Variants in CEP128 observed in about 807,000 individuals in gnomAD.
CEP128 encodes the protein centrosomal protein 128.
In CEP128, 132 loss-of-function variants were observed where a neutral mutation model predicts 156.7. The observed-to-expected ratio is 0.84, with a 90% CI of 0.73 to 0.97. The LOEUF (loss-of-function observed/expected upper bound fraction) is 0.97. Among genes scored for constraint, CEP128 ranks in the 50% least tolerant of loss-of-function variants. The pLI, the probability that CEP128 is intolerant of heterozygous loss-of-function variation, is 0.00. For missense variants in CEP128, 1,252 were observed against 1,281.9 expected (o/e 0.98, Z 0.36); for synonymous variants, 469 against 448.9 (o/e 1.04, Z -0.57).
chr14:80,827,818 CACAGGGTA>C (rs1885561304), intron 13 of CEP128, among the ~76,000 whole-genome samples: 2 of 152,192 alleles, frequency 1.3e-5, no homozygotes, highest in Non-Finnish European at 2.9e-5. Context: ...ATAGGGCTCC[CACAGGGTA>C]AATCAGTGAA....
chr14:80,610,995 T>C (rs1892973543), intron 19 of CEP128, among the ~76,000 whole-genome samples: 2 of 152,116 alleles, frequency 1.3e-5, no homozygotes, highest in Admixed American at 6.5e-5. Flanking sequence ...TTTACTCATA[T>C]ATGTATAAGT....
At chr14:80,633,704 G>C (rs1458105501) in intron 19 of CEP128, among the ~76,000 whole-genome samples, 1 of 152,190 alleles carries the variant, frequency 6.6e-6, no homozygotes, top group Non-Finnish European at 1.5e-5. Flanking sequence ...GTGGGGATCA[G>C]ACTTATCTCA....
chr14:80,522,033 T>G (rs1888768062), intron 23 of CEP128, among the ~76,000 whole-genome samples: 1 of 152,258 alleles, frequency 6.6e-6, no homozygotes, highest in South Asian at 2.1e-4. Flanking sequence ...ATGAGATAAT[T>G]GGAGTATTGT....
At chr14:80,678,047 A>ATATAT (rs1555390193) in intron 19 of CEP128, among the ~76,000 whole-genome samples, 5 of 68,518 alleles carry the variant, frequency 7.3e-5, no homozygotes, top group East Asian at 3.9e-4. Context: ...CTATAAAAAA[A>ATATAT]AAATATATAT....
At chr14:80,510,095 T>A (rs1230570870) in intron 23 of CEP128, among the ~76,000 whole-genome samples, 2 of 152,168 alleles carry the variant, frequency 1.3e-5, no homozygotes, top group African/African-American at 4.8e-5. Flanking sequence ...AGGATGGCTT[T>A]GGCTATTCTG....
intron 19 of CEP128, among the ~76,000 whole-genome samples, chr14:80,601,548 A>T (rs911216147): frequency 3.3e-5 from 5 of 152,196 alleles, no homozygotes. Flanking sequence ...ATTGTCATAG[A>T]GTATATTTAC....
intron 8 of CEP128, among the ~76,000 whole-genome samples, chr14:80,873,694 A>T (rs908932061): frequency 6.6e-6 from 1 of 152,136 alleles, no homozygotes; most frequent in African/African-American, 2.4e-5. Flanking sequence ...TGGTGTCCCC[A>T]CCCAGATCTC....
intron 11 of CEP128, 117 bp downstream of exon 11, chr14:80,838,087 A>C (rs1366243877): frequency 1.5e-6 from 1 of 686,394 alleles, no homozygotes; most frequent in African/African-American, 1.8e-5. Context: ...TACATTCCTT[A>C]GGAAAACATT....
intron 13 of CEP128, among the ~76,000 whole-genome samples, chr14:80,808,585 A>G (rs1174178518): frequency 1.3e-5 from 2 of 152,154 alleles, no homozygotes; most frequent in African/African-American, 4.8e-5. Context: ...AGCCATATGA[A>G]GACCCAAAAT....
At chr14:80,568,455 A>G (rs1269883128) in intron 20 of CEP128, among the ~76,000 whole-genome samples, 1 of 152,126 alleles carries the variant, frequency 6.6e-6, no homozygotes, top group East Asian at 1.9e-4. Context: ...ATTTACAGGA[A>G]CTAATGCACA....
At chr14:80,649,510 T>C (rs555998256) in intron 19 of CEP128, among the ~76,000 whole-genome samples, 5 of 152,204 alleles carry the variant, frequency 3.3e-5, no homozygotes, top group Admixed American at 6.5e-5. Flanking sequence ...TGGAACAGCA[T>C]TAAGAAACAT....
intron 21 of CEP128, among the ~76,000 whole-genome samples, chr14:80,551,054 T>C (rs949345232): frequency 6.6e-6 from 1 of 152,146 alleles, no homozygotes; most frequent in Non-Finnish European, 1.5e-5. Context: ...TGTTACTCAA[T>C]TCTTGAATGT....
intron 19 of CEP128, among the ~76,000 whole-genome samples, chr14:80,592,325 C>A (rs1431212060): frequency 6.6e-6 from 1 of 152,158 alleles, no homozygotes; most frequent in Non-Finnish European, 1.5e-5. Flanking sequence ...GGGGATATCA[C>A]CACTGATCCC....
At chr14:80,481,782 T>C (rs990802986) in intron 14 of CEP128, among the ~76,000 whole-genome samples, 1 of 152,246 alleles carries the variant, frequency 6.6e-6, no homozygotes, top group Non-Finnish European at 1.5e-5. Flanking sequence ...CCAGACACTG[T>C]GGTTTTAAAT....
chr14:80,805,962 C>G (rs1884153257), intron 13 of CEP128, among the ~76,000 whole-genome samples: 1 of 152,152 alleles, frequency 6.6e-6, no homozygotes, highest in Admixed American at 6.5e-5. Context: ...TACTAACAAT[C>G]TTTAAAACTT....
At chr14:80,617,119 C>CTA (rs1893245783) in intron 19 of CEP128, among the ~76,000 whole-genome samples, 1 of 151,152 alleles carries the variant, frequency 6.6e-6, no homozygotes, top group Non-Finnish European at 1.5e-5. Flanking sequence ...TAAACCAGCC[C>CTA]AGTTGCCATA....
chr14:80,582,372 T>C (rs1018352527), intron 19 of CEP128, among the ~76,000 whole-genome samples: 7 of 152,082 alleles, frequency 4.6e-5, no homozygotes, highest in African/African-American at 1.7e-4. Flanking sequence ...TAGAAGGATA[T>C]AGAGATAACT....
At chr14:80,478,303 C>CA (rs34440233) in exon 15 of CEP128, 42,502 of 151,826 alleles carry the variant, frequency 0.28, 6,690 homozygotes, top group Admixed American at 0.39. Flanking sequence ...ATAGGCATAG[C>CA]AAAACCTGAT....
At chr14:80,596,405 C>T (rs1196580059) in intron 19 of CEP128, among the ~76,000 whole-genome samples, 1 of 151,966 alleles carries the variant, frequency 6.6e-6, no homozygotes, top group African/African-American at 2.4e-5. Context: ...TATGTAGAAG[C>T]ATAAATATAA....
Sources: gnomAD v4.1 joint callset for allele counts (sites outside exome capture counted in the v4.1 genomes callset) on GRCh38, gnomAD v4.1.1 for gene constraint, MANE v1.5 for transcripts, NCBI Gene and HGNC (gene_info 2026-07-23, HGNC 2026-07-21) for gene names.